Variants in HSPBAP1 observed in about 807,000 individuals in gnomAD.
HSPBAP1 encodes HSPB1-associated protein 1.
In HSPBAP1, 27 loss-of-function variants were observed where a neutral mutation model predicts 45.2. The observed-to-expected ratio is 0.60, with a 90% CI of 0.44 to 0.82. The LOEUF (loss-of-function observed/expected upper bound fraction) is 0.82. Ranked by LOEUF, HSPBAP1 falls within the 40% of genes least tolerant of loss-of-function variation. The pLI is 0.00. For missense variants in HSPBAP1, 510 were observed against 590.9 expected (o/e 0.86, Z 1.42); for synonymous variants, 204 against 202.7 (o/e 1.01, Z -0.06).
At position 122,740,460 on chromosome 3, in the gene HSPBAP1, T is replaced by C; in HGVS notation, c.1352A>G (p.Asn451Ser). 1 of 1,614,000 alleles carries C rather than the reference T, an allele frequency of 6.2e-7. No individual in the cohort carries two copies. Among genetic ancestry groups the C allele is most frequent in the Non-Finnish European group, 8.5e-7 (1 of 1,179,826 alleles). The change falls in exon 8 of 8, where the codon AAT becomes AGT. Residue 451 changes from asparagine to serine, a missense_variant. Coordinates refer to ENST00000306103, the MANE Select transcript of HSPBAP1 (RefSeq NM_024610.6). ...GAATGTTTGAGGAGTCGTAGTAGTA[T>C]TTGAGGCAATCTGTTCCTCAATTGC... ...ENAIEEQIAS[N>S]TTTTPQTFIS...
At position 122,740,486 on chromosome 3, in the gene HSPBAP1, A is replaced by T; in HGVS notation, c.1326T>A (p.Asn442Lys). ...TTGAGGCAATCTGTTCCTCAATTGC[A>T]TTTTCACTGTTGCTCATTATTTGTT... ...KRQQIMSNSE[N>K]AIEEQIASNT... is the part of the protein sequence containing the mutation. The change falls in exon 8 of 8, where the codon AAT becomes AAA. Residue 442 changes from asparagine (N) to lysine (K), a missense_variant. By Grantham distance (94) the Asn-to-Lys change is moderately conservative (BLOSUM62 0). Transcript: ENST00000306103. 1 of 1,614,050 alleles carries T rather than the reference A, an allele frequency of 6.2e-7. No individual in the cohort carries two copies. The highest frequency in any genetic ancestry group is 2.2e-5 in the East Asian group (1 of 44,888).
At chr3:122,754,783 A>C (rs532978514) in intron 5 of HSPBAP1, 129 of 985,964 alleles carry the variant, frequency 1.3e-4, no homozygotes, top group Non-Finnish European at 1.5e-4. Context: ...AATTTATGAA[A>C]ACAACATCCA....
chr3:122,773,065 G>A (rs1475889274), intron 2 of HSPBAP1, among the ~76,000 whole-genome samples: 1 of 151,888 alleles, frequency 6.6e-6, no homozygotes, highest in East Asian at 1.9e-4. Context: ...TGCCCAGGCT[G>A]TTCTGGAACT....
intron 1 of HSPBAP1, among the ~76,000 whole-genome samples, chr3:122,788,808 A>T (rs1935731145): frequency 6.6e-6 from 1 of 152,192 alleles, no homozygotes; most frequent in Non-Finnish European, 1.5e-5. Context: ...GAGAAAGGGA[A>T]GTTATTGTTT....
At chr3:122,756,067 A>G (rs552082074) in intron 4 of HSPBAP1, among the ~76,000 whole-genome samples, 156 of 152,348 alleles carry the variant, frequency 1.0e-3, no homozygotes, top group Admixed American at 2.0e-3. Flanking sequence ...CTCACAAAAC[A>G]CTAGACACTC....
At chr3:122,789,241 G>C (rs1434721435) in intron 1 of HSPBAP1, among the ~76,000 whole-genome samples, 3 of 152,010 alleles carry the variant, frequency 2.0e-5, no homozygotes, top group African/African-American at 7.3e-5. Flanking sequence ...AACTCTAGAT[G>C]AGATATTTCC....
At chr3:122,770,807 T>G (rs1193318484) in intron 2 of HSPBAP1, among the ~76,000 whole-genome samples, 2 of 152,264 alleles carry the variant, frequency 1.3e-5, no homozygotes, top group Non-Finnish European at 2.9e-5. Flanking sequence ...CAAAAGTGCA[T>G]GTGGCAAGAA....
At chr3:122,754,740 G>A in intron 5 of HSPBAP1, 2 of 985,552 alleles carry the variant, frequency 2.0e-6, no homozygotes, top group Non-Finnish European at 2.4e-6. Context: ...GCAGCACTAT[G>A]TACAGTACCT....
intron 1 of HSPBAP1, among the ~76,000 whole-genome samples, chr3:122,792,518 G>T (rs146842040): frequency 1.3e-5 from 2 of 152,018 alleles, no homozygotes; most frequent in African/African-American, 4.8e-5. Flanking sequence ...GCTTGGAATG[G>T]GCATCTCCCC....
chr3:122,792,222 T>G (rs1274754168), intron 1 of HSPBAP1, among the ~76,000 whole-genome samples: 1 of 152,210 alleles, frequency 6.6e-6, no homozygotes, highest in African/African-American at 2.4e-5. Context: ...ATTTTCACTT[T>G]ATACGGTCAT....
intron 1 of HSPBAP1, among the ~76,000 whole-genome samples, chr3:122,791,196 C>T (rs1456167909): frequency 6.6e-6 from 1 of 152,216 alleles, no homozygotes; most frequent in Non-Finnish European, 1.5e-5. Flanking sequence ...GTCTTCTACC[C>T]TTCAGCCAAA....
rs541027372 is a variant in HSPBAP1 at position 122,746,825 on chromosome 3, G to A, written c.826-5712C>T. On this transcript the variant is annotated intron_variant, in intron 6 of 7. Transcript: ENST00000306103. ...GCGCCGCCACGCCTGGCTGGTTTTCGTATTTTTTTGGTGGAGATGGGGTTT... is the reference window on the plus strand; with the variant it reads ...GCGCCGCCACGCCTGGCTGGTTTTCATATTTTTTTGGTGGAGATGGGGTTT... Among the ~76,000 whole-genome samples, 19 of 152,310 alleles carry A rather than the reference G, an allele frequency of 1.2e-4. No homozygotes were observed. The East Asian group carries it at 2.1e-3, about 17-fold the overall frequency.
At chr3:122,773,213 G>A (rs1365351406) in intron 2 of HSPBAP1, among the ~76,000 whole-genome samples, 1 of 151,150 alleles carries the variant, frequency 6.6e-6, no homozygotes, top group Non-Finnish European at 1.5e-5. Flanking sequence ...TCCCAATAAG[G>A]AAATAGTCAA....
chr3:122,792,030 T>C (rs1935846238), intron 1 of HSPBAP1, among the ~76,000 whole-genome samples: 1 of 152,150 alleles, frequency 6.6e-6, no homozygotes, highest in South Asian at 2.1e-4. Flanking sequence ...AGGAAAAAAG[T>C]AGACAGATTA....
intron 6 of HSPBAP1, among the ~76,000 whole-genome samples, chr3:122,749,766 G>A (rs1934058001): frequency 6.6e-6 from 1 of 151,864 alleles, no homozygotes; most frequent in East Asian, 1.9e-4. Flanking sequence ...GCGCCACCAT[G>A]CCCGGCTAAT....
chr3:122,773,715 G>A (rs1935091311), intron 2 of HSPBAP1, among the ~76,000 whole-genome samples: 1 of 152,154 alleles, frequency 6.6e-6, no homozygotes, highest in Non-Finnish European at 1.5e-5. Context: ...ACAGCTGACT[G>A]CAGCCTCGAC....
chr3:122,793,299 A>T (rs892425862), intron 1 of HSPBAP1, among the ~76,000 whole-genome samples: 2 of 152,170 alleles, frequency 1.3e-5, no homozygotes, highest in Non-Finnish European at 2.9e-5. Flanking sequence ...CAATTTCACA[A>T]ATTTAATTTT....
chr3:122,742,934 G>T (rs949541799), intron 6 of HSPBAP1, among the ~76,000 whole-genome samples: 1 of 151,996 alleles, frequency 6.6e-6, no homozygotes, highest in South Asian at 2.1e-4. Flanking sequence ...CTACATTTAC[G>T]TACATGTAGA....
At position 122,768,682 on chromosome 3, in the gene HSPBAP1, A is replaced by T; in HGVS notation, c.432+19T>A. On this transcript the variant is annotated intron_variant, in intron 3 of 7. Transcript: ENST00000306103. ...AAAAACAAATTCCTACCAAGATTAGAAGGAAGGTTCTGACTTACCTGGAAA... is the reference window on the plus strand; with the variant it reads ...AAAAACAAATTCCTACCAAGATTAGTAGGAAGGTTCTGACTTACCTGGAAA... 1 of 1,544,796 alleles carries T rather than the reference A, an allele frequency of 6.5e-7. No individual in the cohort carries two copies. Among genetic ancestry groups the T allele is most frequent in the Non-Finnish European group, 8.9e-7 (1 of 1,121,206 alleles).
Sources: gnomAD v4.1 joint callset for allele counts (sites outside exome capture counted in the v4.1 genomes callset) on GRCh38, gnomAD v4.1.1 for gene constraint, MANE v1.5 for transcripts, NCBI Gene and HGNC (gene_info 2026-07-23, HGNC 2026-07-21) for gene names.